The following LINGO2 variants were observed in gnomAD, a reference collection of about 807,000 sequenced individuals.
The protein encoded by LINGO2 is leucine rich repeat and Ig domain containing 2, also known as leucine-rich repeat and immunoglobulin-like domain-containing nogo receptor-interacting protein 2.
A neutral mutation model predicts 30.6 loss-of-function variants in LINGO2; 14 were observed. The ratio of observed to expected loss-of-function variants is 0.46; its 90% CI spans 0.30 to 0.72. The LOEUF (loss-of-function observed/expected upper bound fraction) is 0.72. Among genes scored for constraint, LINGO2 ranks in the 30% least tolerant of loss-of-function variants. LINGO2 has a pLI of 0.07. For synonymous variants in LINGO2, 317 were observed against 288.5 expected, an observed-to-expected ratio of 1.10 and a Z score of -1.00; for missense variants, 729 against 751.7, an observed-to-expected ratio of 0.97 and a Z score of 0.35.
At chr9:28,608,164 A>C (rs1229365196) in intron 1 of LINGO2, among the ~76,000 whole-genome samples, 1 of 147,978 alleles carries the variant, frequency 6.8e-6, no homozygotes, top group Non-Finnish European at 1.5e-5. Flanking sequence ...AAAAAAAAAA[A>C]CTTAGTACTA....
chr9:29,072,280 T>A, the LINGO2 span, among the ~76,000 whole-genome samples: 35 of 152,040 alleles, frequency 2.3e-4, no homozygotes, highest in Non-Finnish European at 4.6e-4. Context: ...ATATATGTAA[T>A]AGAATAGAAG....
chr9:28,009,659 T>C (rs1482535951), intron 5 of LINGO2, among the ~76,000 whole-genome samples: 1 of 152,074 alleles, frequency 6.6e-6, no homozygotes, highest in South Asian at 2.1e-4. Flanking sequence ...GAAGCCACAA[T>C]GAAATACTAC....
At chr9:28,769,574 C>T in the LINGO2 span, among the ~76,000 whole-genome samples, 1 of 117,246 alleles carries the variant, frequency 8.5e-6, no homozygotes, top group Non-Finnish European at 1.7e-5. Flanking sequence ...TTTTCATTTG[C>T]AAGTTCATAG....
rs566169656 is a variant in LINGO2 at position 28,387,833 on chromosome 9, G to A, written c.-278-14965C>T. ...CTGCAGCTTCACTCCTGAAGTCAGC[G>A]AGACCACGAACCCACCAGAAGGAAG... is the stretch of plus-strand genomic sequence containing the variant. On this transcript the variant is annotated intron_variant, in intron 2 of 5. Coordinates refer to ENST00000379992, the Ensembl canonical transcript of LINGO2. Among the ~76,000 whole-genome samples, 6 of 151,882 alleles carry A rather than the reference G, an allele frequency of 4.0e-5. 1 individual carries two copies. The highest frequency in any genetic ancestry group is 1.2e-4 in the African/African-American group (5 of 41,392).
chr9:28,594,975 A>G (rs1300765553), intron 1 of LINGO2, among the ~76,000 whole-genome samples: 1 of 152,122 alleles, frequency 6.6e-6, no homozygotes, highest in African/African-American at 2.4e-5. Flanking sequence ...TCATTTGAAG[A>G]GGACCTATTA....
chr9:28,373,015 G>GGA (rs1554712783), intron 2 of LINGO2, 147 bp from the exon 5 acceptor site: 1 of 151,576 alleles, frequency 6.6e-6, no homozygotes, highest in African/African-American at 2.4e-5. Flanking sequence ...ACTACAGAGA[G>GGA]AAAAAAAACT....
At chr9:28,987,772 G>A in the LINGO2 span, among the ~76,000 whole-genome samples, 98,912 of 151,886 alleles carry the variant, frequency 0.65, 32,783 homozygotes, top group Non-Finnish European at 0.72. Flanking sequence ...ATTTTAAAAT[G>A]CCTCTTTAAA....
chr9:28,903,648 T>G, the LINGO2 span, among the ~76,000 whole-genome samples: 1 of 152,194 alleles, frequency 6.6e-6, no homozygotes, highest in Non-Finnish European at 1.5e-5. Flanking sequence ...TTGGCTAATT[T>G]ATTTGTTTTT....
At chr9:28,077,531 A>AC (rs1342757803) in intron 4 of LINGO2, among the ~76,000 whole-genome samples, 1 of 152,150 alleles carries the variant, frequency 6.6e-6, no homozygotes, top group East Asian at 1.9e-4. Flanking sequence ...TGTTCTGGGA[A>AC]CCCATGTTCC....
At chr9:29,051,431 T>C in the LINGO2 span, among the ~76,000 whole-genome samples, 4 of 152,190 alleles carry the variant, frequency 2.6e-5, no homozygotes, top group Non-Finnish European at 5.9e-5. Context: ...GTTTCCTCCA[T>C]GTCTTTTCAT....
At chr9:29,072,877 T>A in the LINGO2 span, among the ~76,000 whole-genome samples, 1 of 151,760 alleles carries the variant, frequency 6.6e-6, no homozygotes, top group Non-Finnish European at 1.5e-5. Flanking sequence ...GAAATTGAAA[T>A]AGTCACATAG....
At chr9:28,816,540 C>A in the LINGO2 span, among the ~76,000 whole-genome samples, 1 of 152,138 alleles carries the variant, frequency 6.6e-6, no homozygotes, top group South Asian at 2.1e-4. Flanking sequence ...TTAAATAATA[C>A]TCCTCATTCA....
intron 4 of LINGO2, among the ~76,000 whole-genome samples, chr9:28,259,651 T>TC: frequency 6.6e-6 from 1 of 151,942 alleles, no homozygotes; most frequent in East Asian, 1.9e-4. Context: ...AAGGAGCATT[T>TC]CCTCATGTTA....
chr9:28,211,968 A>C (rs1243707903), intron 4 of LINGO2, among the ~76,000 whole-genome samples: 1 of 151,130 alleles, frequency 6.6e-6, no homozygotes, highest in Non-Finnish European at 1.5e-5. Flanking sequence ...CAAAAACTGC[A>C]GTTACTTTTG....
chr9:28,472,600 C>G (rs185749448), intron 2 of LINGO2, among the ~76,000 whole-genome samples: 269 of 152,172 alleles, frequency 1.8e-3, no homozygotes, highest in African/African-American at 6.1e-3. Context: ...TAAAAAAACC[C>G]TTTCCATTTA....
chr9:28,133,284 G>C (rs544365821), intron 4 of LINGO2, among the ~76,000 whole-genome samples: 1 of 152,190 alleles, frequency 6.6e-6, no homozygotes, highest in South Asian at 2.1e-4. Flanking sequence ...ATGCAATTAT[G>C]ATTATTTACA....
intron 4 of LINGO2, among the ~76,000 whole-genome samples, chr9:28,194,559 C>T (rs1468221376): frequency 1.4e-5 from 1 of 73,304 alleles, no homozygotes; most frequent in Non-Finnish European, 3.2e-5. Flanking sequence ...AACTCTCTAT[C>T]CTAAAAAAAA....
chr9:28,206,249 TA>T (rs1295604279), intron 4 of LINGO2, among the ~76,000 whole-genome samples: 1 of 146,990 alleles, frequency 6.8e-6, no homozygotes, highest in African/African-American at 2.5e-5. Context: ...AAGTTGAGAA[TA>T]AGCTGTTGAA....
intron 2 of LINGO2, among the ~76,000 whole-genome samples, chr9:28,474,278 G>A (rs1018881336): frequency 6.6e-6 from 1 of 152,062 alleles, no homozygotes; most frequent in Non-Finnish European, 1.5e-5. Flanking sequence ...TATTTCACAG[G>A]AGGCCAGGAT....
Sources: allele counts gnomAD v4.1 joint callset (sites outside exome capture counted in the v4.1 genomes callset), GRCh38; gene constraint gnomAD v4.1.1; transcripts MANE v1.5; gene names NCBI Gene and HGNC (gene_info 2026-07-23, HGNC 2026-07-21).